NTRK3: variants seen among roughly 807,000 people sequenced by gnomAD.
NTRK3 encodes NT-3 growth factor receptor.
A neutral mutation model predicts 91.7 loss-of-function variants in NTRK3; 24 were observed. That is an observed-to-expected ratio of 0.26 (90% CI 0.19 to 0.37). The LOEUF (loss-of-function observed/expected upper bound fraction) is 0.37, where lower values mean the gene tolerates loss of function less well. Among genes scored for constraint, NTRK3 ranks in the 10% least tolerant of loss-of-function variants. NTRK3 has a pLI of 1.00. For missense variants in NTRK3, 880 were observed against 1,068.9 expected (o/e 0.82, Z 2.46); for synonymous variants, 483 against 404.0 (o/e 1.20, Z -2.34).
chr15:88,221,467 C>T (rs1298049729), intron 3 of NTRK3, among the ~76,000 whole-genome samples: 1 of 152,154 alleles, frequency 6.6e-6, no homozygotes, highest in African/African-American at 2.4e-5. Flanking sequence ...AGCCACATAA[C>T]CTGATCCTGA....
intron 17 of NTRK3, among the ~76,000 whole-genome samples, chr15:87,912,311 G>A (rs1425423779): frequency 6.6e-6 from 1 of 152,156 alleles, no homozygotes; most frequent in Admixed American, 6.5e-5. Flanking sequence ...TAACCTCATG[G>A]AGACTGTGCT....
chr15:88,016,656 CAA>C (rs2077252236), intron 14 of NTRK3, among the ~76,000 whole-genome samples: 1 of 152,230 alleles, frequency 6.6e-6, no homozygotes, highest in South Asian at 2.1e-4. Context: ...ACTTTTAATA[CAA>C]GAGACCTGTC....
intron 17 of NTRK3, among the ~76,000 whole-genome samples, chr15:87,899,011 C>A (rs935741672): frequency 3.3e-5 from 5 of 152,094 alleles, no homozygotes; most frequent in African/African-American, 1.2e-4. Context: ...AACACCATAA[C>A]AACTCTAATT....
intron 14 of NTRK3, among the ~76,000 whole-genome samples, chr15:87,991,630 T>C (rs1480500033): frequency 6.6e-6 from 1 of 152,156 alleles, no homozygotes; most frequent in Non-Finnish European, 1.5e-5. Context: ...GACAGGCCAA[T>C]TCTCTAAAGT....
intron 14 of NTRK3, chr15:87,978,229 T>G: frequency 4.3e-6 from 1 of 230,922 alleles, no homozygotes. Flanking sequence ...GCGAGCCCCC[T>G]CTTTGGGAGA....
chr15:88,087,521 A>C (rs577781416), intron 13 of NTRK3, among the ~76,000 whole-genome samples: 1 of 152,330 alleles, frequency 6.6e-6, no homozygotes, highest in Non-Finnish European at 1.5e-5. Context: ...CAGGAGGAAG[A>C]GAGTGTAGGC....
chr15:88,166,439 G>A (rs998315935), intron 5 of NTRK3, among the ~76,000 whole-genome samples: 4 of 152,186 alleles, frequency 2.6e-5, no homozygotes, highest in African/African-American at 9.6e-5. Context: ...ACTAGCAGCT[G>A]TGGCAATGCT....
intron 13 of NTRK3, among the ~76,000 whole-genome samples, chr15:88,059,196 C>T (rs561497246): frequency 3.3e-5 from 5 of 152,152 alleles, no homozygotes; most frequent in African/African-American, 9.6e-5. Context: ...GATGAGCACC[C>T]GATATCAACA....
chr15:87,889,662 C>T (rs914752655), intron 17 of NTRK3, among the ~76,000 whole-genome samples: 3 of 152,052 alleles, frequency 2.0e-5, no homozygotes, highest in Non-Finnish European at 2.9e-5. Context: ...GCAACAGGGG[C>T]CACCTGCAAA....
intron 5 of NTRK3, among the ~76,000 whole-genome samples, chr15:88,175,381 T>TAGAG (rs10692744): frequency 1.5e-3 from 222 of 149,718 alleles, no homozygotes; most frequent in African/African-American, 2.4e-3. Context: ...CACAGAGAGA[T>TAGAG]AGAGAGAGAG....
chr15:88,169,896 T>C (rs1301142146), intron 5 of NTRK3, among the ~76,000 whole-genome samples: 2 of 152,132 alleles, frequency 1.3e-5, no homozygotes, highest in Non-Finnish European at 2.9e-5. Context: ...GCTAGAATCC[T>C]CCCTATCCCC....
intron 15 of NTRK3, among the ~76,000 whole-genome samples, chr15:87,936,110 C>T (rs964057161): frequency 6.6e-6 from 1 of 152,182 alleles, no homozygotes; most frequent in Non-Finnish European, 1.5e-5. Context: ...CCACATTTAA[C>T]ATCTTCATGT....
At chr15:88,173,153 C>A (rs1025501664) in intron 5 of NTRK3, among the ~76,000 whole-genome samples, 5 of 152,136 alleles carry the variant, frequency 3.3e-5, no homozygotes, top group Non-Finnish European at 5.9e-5. Flanking sequence ...TATCATGTGC[C>A]ATAGGGGCTG....
At chr15:88,051,514 T>C (rs1481736768) in intron 13 of NTRK3, among the ~76,000 whole-genome samples, 1 of 152,238 alleles carries the variant, frequency 6.6e-6, no homozygotes, top group Non-Finnish European at 1.5e-5. Context: ...ATGAGGAGCA[T>C]GTCTCAGTCA....
intron 3 of NTRK3, among the ~76,000 whole-genome samples, chr15:88,227,907 G>A (rs2050821515): frequency 1.3e-5 from 2 of 152,084 alleles, no homozygotes; most frequent in African/African-American, 4.8e-5. Context: ...GTATCCAGAT[G>A]GAAACAGGGT....
rs79391056 is a variant in NTRK3, at chr15:87,887,088, G to T, written c.2134-6660C>A. Reference sequence around the variant, plus strand: ...TAATTTTAAACACAACCCAGAAGAGGTATTCCAGTTTGAAAGCCTCAATTT... The same window carrying T: ...TAATTTTAAACACAACCCAGAAGAGTTATTCCAGTTTGAAAGCCTCAATTT... On this transcript the variant is annotated intron_variant, in intron 17 of 18. Coordinates refer to ENST00000394480, the Ensembl canonical transcript of NTRK3. Among the ~76,000 whole-genome samples the T allele has an allele frequency of 5.8e-3, 875 of 152,130 alleles. 14 individuals are homozygous for T. The highest frequency in any genetic ancestry group is 0.033 in the East Asian group (170 of 5,168).
intron 3 of NTRK3, among the ~76,000 whole-genome samples, chr15:88,204,217 G>A (rs111928103): frequency 2.5e-4 from 38 of 152,272 alleles, no homozygotes; most frequent in African/African-American, 8.9e-4. Flanking sequence ...ATTGGATTCC[G>A]CAGCAGTTGC....
chr15:88,082,456 C>T (rs1005170159), intron 13 of NTRK3, among the ~76,000 whole-genome samples: 1 of 152,162 alleles, frequency 6.6e-6, no homozygotes, highest in African/African-American at 2.4e-5. Context: ...GTATCACCAC[C>T]ACCCAGATGA....
intron 13 of NTRK3, among the ~76,000 whole-genome samples, chr15:88,049,308 C>G (rs1378608187): frequency 6.6e-6 from 1 of 152,028 alleles, no homozygotes; most frequent in Non-Finnish European, 1.5e-5. Context: ...GGGCAGCAGG[C>G]ATAATTTTGA....
Sources: allele counts gnomAD v4.1 joint callset (sites outside exome capture counted in the v4.1 genomes callset), GRCh38; gene constraint gnomAD v4.1.1; transcripts MANE v1.5; gene names NCBI Gene and HGNC (gene_info 2026-07-23, HGNC 2026-07-21).